VSTM1: variants seen among roughly 807,000 people sequenced by gnomAD.
VSTM1 encodes V-set and transmembrane domain containing 1.
In VSTM1, 27 loss-of-function variants were observed where a neutral mutation model predicts 33.1. The observed-to-expected ratio is 0.82, with a 90% CI of 0.60 to 1.12. The LOEUF (loss-of-function observed/expected upper bound fraction) is 1.12, where lower values mean the gene tolerates loss of function less well. VSTM1 is among the 50% of genes most tolerant of loss of function. The pLI, the probability that VSTM1 is intolerant of heterozygous loss-of-function variation, is 0.00. For synonymous variants in VSTM1, 115 were observed against 110.3 expected (o/e 1.04, Z -0.27); for missense variants, 304 against 288.9 (o/e 1.05, Z -0.38).
chr19:54,056,593 C>T lies in VSTM1; in HGVS notation c.355+1713G>A, dbSNP rs1274490220. 1.4e-5 allele frequency among the ~76,000 whole-genome samples: 2 copies of T among 140,242 alleles called. 1 individual carries two copies. The highest frequency in any genetic ancestry group is 3.1e-5 in the Non-Finnish European group (2 of 63,944). 92.0% of individuals were successfully genotyped at this position (140,242 alleles called of 152,430 possible). ...ACAGTTCTTCCTCCTCCCTCTGCCCCTCATTGACCCTGGTGCTTCCCCACA... is the reference window on the plus strand; with the variant it reads ...ACAGTTCTTCCTCCTCCCTCTGCCCTTCATTGACCCTGGTGCTTCCCCACA... On this transcript the variant is annotated intron_variant, in intron 3 of 8. Coordinates refer to ENST00000338372, the MANE Select transcript of VSTM1 (RefSeq NM_198481.4).
chr19:54,042,520 GA>G, intron 4 of VSTM1, 151 bp from the exon 5 acceptor site: 1 of 1,220,316 alleles, frequency 8.2e-7, no homozygotes, highest in Non-Finnish European at 1.1e-6. Flanking sequence ...TTGCTTTGGG[GA>G]ATTTCCTTAA....
At chr19:54,058,278 C>T (rs565400127) in intron 3 of VSTM1, 28 bp downstream of exon 3, 2 of 1,570,606 alleles carry the variant, frequency 1.3e-6, no homozygotes, top group East Asian at 2.3e-5. Flanking sequence ...GAAATGTGTG[C>T]ATCAAAGAGT....
chr19:54,052,172 G>C lies in VSTM1; in HGVS notation c.356-724C>G, dbSNP rs1360022004. ...CCAGCACTTTGGGAGGCCGAGGCGG[G>C]CAGATCACAAGGTCAGGAGATCGAG... On this transcript the variant is annotated intron_variant, in intron 3 of 8. Transcript: ENST00000338372. 2.0e-5 allele frequency among the ~76,000 whole-genome samples: 3 copies of C among 151,582 alleles called. No homozygotes were observed. The East Asian group carries it at 5.9e-4, about 30-fold the overall frequency.
intron 3 of VSTM1, 49 bp downstream of exon 3, chr19:54,058,257 G>T (rs746789077): frequency 9.5e-6 from 12 of 1,268,074 alleles, no homozygotes; most frequent in African/African-American, 6.0e-5. Flanking sequence ...AAAAAGCAAA[G>T]CCAAACCAAA....
intron 8 of VSTM1, among the ~76,000 whole-genome samples, chr19:54,041,523 G>A (rs923726048): frequency 1.5e-4 from 23 of 152,044 alleles, no homozygotes; most frequent in African/African-American, 5.3e-4. Context: ...GGATGGTCTC[G>A]ATCTCCTGAC....
chr19:54,058,634 T>C, intron 2 of VSTM1, 44 bp from the exon 3 acceptor site: 1 of 1,613,434 alleles, frequency 6.2e-7, no homozygotes, highest in South Asian at 1.1e-5. Context: ...ATTCAGACGA[T>C]TAAAGGAAAA....
intron 1 of VSTM1, among the ~76,000 whole-genome samples, chr19:54,059,134 C>G (rs1164446298): frequency 7.1e-6 from 1 of 140,568 alleles, no homozygotes; most frequent in East Asian, 2.1e-4. Flanking sequence ...GATCTCAGTT[C>G]ACTGCAACCT....
chr19:54,063,675 T>C (rs1175046802), intron 1 of VSTM1, 69 bp downstream of exon 1: 35 of 1,588,198 alleles, frequency 2.2e-5, no homozygotes, highest in Non-Finnish European at 2.9e-5. Flanking sequence ...CATTTCCACC[T>C]GGACTGCCAC....
chr19:54,041,834 A>G lies in VSTM1; in HGVS notation c.554-18T>C, dbSNP rs2070290198. 1 of 1,613,786 alleles carries G rather than the reference A, an allele frequency of 6.2e-7. No individual in the cohort carries two copies. Among genetic ancestry groups the G allele is most frequent in the African/African-American group, 1.3e-5 (1 of 74,930 alleles). ...ATCTGCCTCTGAGTGAGAAAGGAAA[A>G]AAAAAAATCAGTTCTCAGCTGCAGA... On this transcript the variant is annotated intron_variant, in intron 7 of 8. Transcript: ENST00000338372.
intron 1 of VSTM1, among the ~76,000 whole-genome samples, chr19:54,059,852 T>A (rs1380766651): frequency 1.3e-5 from 2 of 150,050 alleles, no homozygotes; most frequent in Non-Finnish European, 3.0e-5. Context: ...GTTTTTTTTT[T>A]TTTTTTATTT....
chr19:54,046,204 C>T (rs1273123310), intron 4 of VSTM1, among the ~76,000 whole-genome samples: 4 of 152,158 alleles, frequency 2.6e-5, no homozygotes, highest in Non-Finnish European at 4.4e-5. Flanking sequence ...TTATCTATCA[C>T]ATCTAATTAT....
At chr19:54,053,962 T>A (rs970414777) in intron 3 of VSTM1, among the ~76,000 whole-genome samples, 1 of 142,612 alleles carries the variant, frequency 7.0e-6, no homozygotes, top group Non-Finnish European at 1.5e-5. Context: ...TCTACCAAAG[T>A]ATCTGAATTT....
chr19:54,058,550 C>A lies in VSTM1; in HGVS notation c.111G>T (p.Ser37=), dbSNP rs752824973. The change falls in exon 3 of 9, where the codon TCG becomes TCT. Residue 37 remains serine, a synonymous_variant. Coordinates refer to ENST00000338372, the MANE Select transcript of VSTM1 (RefSeq NM_198481.4). ...TCACATTGCTCTCGGCTTCAACCAC[C>A]GAGCTGGGCCAGGCGTGGAGGGAGG... ...PKPSLHAWPS[S]VVEAESNVTL... 5 of 1,613,908 alleles carry A rather than the reference C, an allele frequency of 3.1e-6. No homozygotes were observed. Among genetic ancestry groups the A allele is most frequent in the East Asian group, 2.2e-5 (1 of 44,890 alleles).
chr19:54,040,927 C>A lies in VSTM1; in HGVS notation c.*34G>T. ...TTCCGATAACCTTGGCCAGCACGAT[C>A]CCCCCTCCTTTAGTGGCCAGGGCTG... On this transcript the variant is annotated 3_prime_UTR_variant, in exon 9 of 9. Transcript: ENST00000338372. 6.2e-7 allele frequency: 1 copy of A among 1,602,488 alleles called. No homozygotes were observed. Among genetic ancestry groups the A allele is most frequent in the Non-Finnish European group, 8.5e-7 (1 of 1,174,872 alleles).
In VSTM1 at chr19:54,058,305, C is replaced by T. The variant is rs2071207092; in HGVS notation, c.355+1G>A. 1 of 1,613,634 alleles carries T rather than the reference C, an allele frequency of 6.2e-7. No homozygotes were observed. Among genetic ancestry groups the T allele is most frequent in the Non-Finnish European group, 8.5e-7 (1 of 1,179,816 alleles). The stretch of plus-strand genomic sequence containing the variant: ...TCAAAGAGTACATCTGCCCTTCTCA[C>T]CTGTGACCACCAGCTGCAAGTGTTC... On this transcript the variant is annotated splice_donor_variant, in intron 3 of 8. Transcript: ENST00000338372. LOFTEE classifies it high-confidence loss of function.
chr19:54,048,184 C>G (rs1481553162), intron 4 of VSTM1, among the ~76,000 whole-genome samples: 1 of 152,150 alleles, frequency 6.6e-6, no homozygotes, highest in African/African-American at 2.4e-5. Flanking sequence ...GGCGCAATCA[C>G]AGTTCACTGA....
intron 3 of VSTM1, among the ~76,000 whole-genome samples, chr19:54,053,939 A>G (rs1284573042): frequency 7.0e-6 from 1 of 142,384 alleles, no homozygotes; most frequent in East Asian, 2.0e-4. Flanking sequence ...CAGTTCCTAC[A>G]ATATGCTCAG....
Position 54,040,872 on chromosome 19 carries a change from C to A in VSTM1, c.*89G>T. 1 of 1,502,100 alleles carries A rather than the reference C, an allele frequency of 6.7e-7. No individual in the cohort carries two copies. Among genetic ancestry groups the A allele is most frequent in the Admixed American group, 2.4e-5 (1 of 42,204 alleles). The allele number at this position is 1,502,100 out of a possible 1,614,324, so 93.0% of individuals were successfully genotyped here. On this transcript the variant is annotated 3_prime_UTR_variant, in exon 9 of 9. Coordinates refer to ENST00000338372, the MANE Select transcript of VSTM1 (RefSeq NM_198481.4). The stretch of plus-strand genomic sequence containing the variant: ...TAATTTTATTGATATGGACGAAGAG[C>A]AAGGAAACACAGTATCTGCATCTCC...
In VSTM1 at chr19:54,041,767, G is replaced by A. The variant is rs773359897; in HGVS notation, c.591+12C>T. On this transcript the variant is annotated intron_variant, in intron 8 of 8. Coordinates refer to ENST00000338372, the MANE Select transcript of VSTM1 (RefSeq NM_198481.4). ...GGGAGCTCTTGTGGGACTCCTAAGC[G>A]GGAGGACTCACCGAGAGAGATACCC... The A allele has an allele frequency of 1.2e-6, 2 of 1,612,408 alleles. No individual in the cohort carries two copies. Among genetic ancestry groups the A allele is most frequent in the Non-Finnish European group, 8.5e-7 (1 of 1,179,556 alleles).
Sources: allele counts gnomAD v4.1 joint callset (sites outside exome capture counted in the v4.1 genomes callset), GRCh38; gene constraint gnomAD v4.1.1; transcripts MANE v1.5; gene names NCBI Gene and HGNC (gene_info 2026-07-23, HGNC 2026-07-21).